RAD50: variants seen among roughly 807,000 people sequenced by gnomAD.
RAD50 encodes the protein DNA repair protein RAD50.
Under a neutral mutation model 168.8 loss-of-function variants are expected in RAD50, and 132 were observed. The ratio of observed to expected loss-of-function variants is 0.78; its 90% CI spans 0.68 to 0.90. The LOEUF is 0.90. Among genes scored for constraint, RAD50 ranks in the 40% least tolerant of loss-of-function variants. The probability of loss-of-function intolerance (pLI) is 0.00; values close to 1 mark genes in which losing one functional copy is unlikely to be tolerated. For synonymous variants in RAD50, 525 were observed against 497.4 expected, an observed-to-expected ratio of 1.06 and a Z score of -0.74; for missense variants, 1,347 against 1,534.4, an observed-to-expected ratio of 0.88 and a Z score of 2.04.
intron 5 of RAD50, among the ~76,000 whole-genome samples, chr5:132,585,374 T>A (rs1470166747): frequency 6.6e-6 from 1 of 152,050 alleles, no homozygotes; most frequent in Non-Finnish European, 1.5e-5. Context: ...ACAGTAGGGG[T>A]GTGGTAGTGT....
intron 3 of RAD50, among the ~76,000 whole-genome samples, chr5:132,576,576 G>A (rs1750404058): frequency 6.6e-6 from 1 of 152,116 alleles, no homozygotes; most frequent in Admixed American, 6.5e-5. Context: ...TGTGCTGGAG[G>A]CACTATACTG....
At chr5:132,572,784 A>T (rs1182729064) in intron 2 of RAD50, among the ~76,000 whole-genome samples, 1 of 152,102 alleles carries the variant, frequency 6.6e-6, no homozygotes, top group Non-Finnish European at 1.5e-5. Flanking sequence ...TACACACACA[A>T]CCTCCTCTAC....
At chr5:132,572,185 A>T (rs1357652233) in intron 2 of RAD50, among the ~76,000 whole-genome samples, 2 of 152,234 alleles carry the variant, frequency 1.3e-5, no homozygotes, top group African/African-American at 4.8e-5. Context: ...CTCATTCATG[A>T]TAAAAACTCT....
At chr5:132,603,038 C>T (rs6884762) in intron 13 of RAD50, among the ~76,000 whole-genome samples, 2,797 of 152,276 alleles carry the variant, frequency 0.018, 39 homozygotes, top group Non-Finnish European at 0.028. Context: ...CAACATTTCT[C>T]TCCTAAGATA....
chr5:132,640,277 G>C (rs1313745218), intron 23 of RAD50, among the ~76,000 whole-genome samples: 1 of 152,204 alleles, frequency 6.6e-6, no homozygotes, highest in Non-Finnish European at 1.5e-5. Context: ...TTTTCTAACA[G>C]ATCCCATTAT....
intron 5 of RAD50, among the ~76,000 whole-genome samples, chr5:132,584,648 A>T (rs1049057439): frequency 6.6e-6 from 1 of 152,204 alleles, no homozygotes; most frequent in Admixed American, 6.5e-5. Flanking sequence ...ATGCACATGT[A>T]TGTTTATTGC....
intron 14 of RAD50, 84 bp from the exon 15 acceptor site, chr5:132,603,836 T>C: frequency 7.9e-7 from 1 of 1,262,538 alleles, no homozygotes; most frequent in Non-Finnish European, 1.1e-6. Context: ...ATTTAAAAAA[T>C]AAATGATAAG....
Position 132,603,910 on chromosome 5 carries a change from T to C in RAD50, c.2398-10T>C, listed in dbSNP as rs1477712248. 3 of 1,583,090 alleles carry C rather than the reference T, an allele frequency of 1.9e-6. No individual in the cohort carries two copies. Among genetic ancestry groups the C allele is most frequent in the Admixed American group, 1.7e-5 (1 of 59,796 alleles). On this transcript the variant is annotated splice_polypyrimidine_tract_variant and intron_variant, in intron 14 of 24. Transcript: ENST00000378823. ...TTTATTAAAGGAAATCATTTTGTTA[T>C]ATTCTTAAGATGGAACTTAAAGATG... is the stretch of plus-strand genomic sequence containing the variant.
chr5:132,609,482 AAAT>A, intron 19 of RAD50, 86 bp downstream of exon 19: 1 of 1,556,194 alleles, frequency 6.4e-7, no homozygotes, highest in Non-Finnish European at 8.7e-7. Context: ...CATTGAATAG[AAAT>A]GCAAAAAGGA....
At chr5:132,633,022 T>C (rs1277265342) in intron 21 of RAD50, among the ~76,000 whole-genome samples, 1 of 152,140 alleles carries the variant, frequency 6.6e-6, no homozygotes, top group Non-Finnish European at 1.5e-5. Context: ...AGATTCTAGA[T>C]GTTAATTATT....
intron 19 of RAD50, among the ~76,000 whole-genome samples, chr5:132,610,628 C>G (rs1751067817): frequency 6.6e-6 from 1 of 152,212 alleles, no homozygotes; most frequent in Middle Eastern, 3.4e-3. Flanking sequence ...TGCTGGGTCT[C>G]TTTCTGTACC....
rs1580987767 is a variant in RAD50, at chr5:132,580,016, T to A, written c.706T>A (p.Ser236Thr). Residue 236 changes from serine (S) to threonine (T), a missense_variant, in exon 5 of 25, where the codon TCT becomes ACT. Ser to Thr is a moderately conservative substitution (Grantham distance 58). This residue lies in a region of RAD50 where 703 missense variants were observed against 767.7 expected (regional missense o/e 0.92). Coordinates refer to ENST00000378823, the MANE Select transcript of RAD50 (RefSeq NM_005732.4). ...QITSKEAQLT[S>T]SKEIVKSYEN... ...TACAAGTAAGGAAGCCCAGTTAACA[T>A]CTTCAAAGGAAATTGTCAAATCCTA... 6.2e-7 allele frequency: 1 copy of A among 1,613,538 alleles called. No homozygotes were observed. The highest frequency in any genetic ancestry group is 1.1e-5 in the South Asian group (1 of 91,062).
At chr5:132,615,027 A>G (rs149328225) in intron 19 of RAD50, among the ~76,000 whole-genome samples, 1 of 152,248 alleles carries the variant, frequency 6.6e-6, no homozygotes, top group African/African-American at 2.4e-5. Flanking sequence ...TGCAAGGGCT[A>G]TTGCAGGAGG....
chr5:132,582,426 G>A (rs1750520006), intron 5 of RAD50, among the ~76,000 whole-genome samples: 1 of 152,042 alleles, frequency 6.6e-6, no homozygotes, highest in Non-Finnish European at 1.5e-5. Context: ...GCTCTGACAT[G>A]TGAAGATTCT....
At position 132,595,821 on chromosome 5, in the gene RAD50, G is replaced by A. The variant is rs750276016; in HGVS notation, c.2207+11G>A. ...ACTTGTGCCCATGAGGTAAGAATGG[G>A]ATTTACCTTCACTGTACATGTAGCA... is the stretch of plus-strand genomic sequence containing the variant. On this transcript the variant is annotated intron_variant, in intron 13 of 24. Coordinates refer to ENST00000378823, the MANE Select transcript of RAD50 (RefSeq NM_005732.4). 6.3e-6 allele frequency: 10 copies of A among 1,575,936 alleles called. No homozygotes were observed. The Admixed American group carries it at 1.5e-4, about 24-fold the overall frequency.
Position 132,645,715 on chromosome 5 carries a change from T to A in RAD50, c.*3351T>A, listed in dbSNP as rs1751835165. ...TTAGAGTTTGGTGCCCCAGGGAGAC[T>A]CTGGGGAGTTTGGCAAAATATATAC... On this transcript the variant is annotated 3_prime_UTR_variant, in exon 25 of 25. Coordinates refer to ENST00000378823, the MANE Select transcript of RAD50 (RefSeq NM_005732.4). 1 of 152,160 alleles carries A rather than the reference T, an allele frequency of 6.6e-6. No homozygotes were observed. Among genetic ancestry groups the A allele is most frequent in the Non-Finnish European group, 1.5e-5 (1 of 68,038 alleles). 9.4% of individuals were successfully genotyped at this position (152,160 alleles called of 1,614,324 possible).
At chr5:132,606,638 A>T (rs1050667005) in intron 16 of RAD50, among the ~76,000 whole-genome samples, 4 of 152,244 alleles carry the variant, frequency 2.6e-5, no homozygotes, top group Non-Finnish European at 5.9e-5. Flanking sequence ...CATCATCCTG[A>T]TACCAAAACC....
intron 21 of RAD50, among the ~76,000 whole-genome samples, chr5:132,623,063 CT>C (rs1386209478): frequency 6.6e-6 from 1 of 152,218 alleles, no homozygotes; most frequent in East Asian, 1.9e-4. Flanking sequence ...TGTTATAGCT[CT>C]TGAAGAGTCC....
rs557114567 is a variant in RAD50, at chr5:132,584,697, A to G, written c.757-2865A>G. 5.9e-5 allele frequency among the ~76,000 whole-genome samples: 9 copies of G among 152,282 alleles called. No homozygotes were observed. The East Asian group carries it at 1.2e-3, about 20-fold the overall frequency. On this transcript the variant is annotated intron_variant, in intron 5 of 24. Coordinates refer to ENST00000378823, the MANE Select transcript of RAD50 (RefSeq NM_005732.4). ...ATAGCAAAGACTTAGAACCAACCCA[A>G]ATGTCCAATGATGATAGACTGGATT...
Sources: allele counts gnomAD v4.1 joint callset (sites outside exome capture counted in the v4.1 genomes callset), GRCh38; gene constraint gnomAD v4.1.1; regional missense constraint gnomAD v4.1.1; transcripts MANE v1.5; gene names NCBI Gene and HGNC (gene_info 2026-07-23, HGNC 2026-07-21).